Variants in TMEM232 observed in about 807,000 individuals in gnomAD.
The protein encoded by TMEM232 is transmembrane protein 232.
A neutral mutation model predicts 78.8 loss-of-function variants in TMEM232; 80 were observed. The observed-to-expected ratio is 1.01, with a 90% confidence interval of 0.85 to 1.22. The LOEUF is 1.22. Among genes scored for constraint, TMEM232 ranks in the 50% most tolerant of loss-of-function variants. The pLI is 0.00. For missense variants in TMEM232, 881 were observed against 742.2 expected (o/e 1.19, Z -2.17); for synonymous variants, 297 against 254.3 (o/e 1.17, Z -1.60).
At chr5:110,662,995 C>G (rs976442286) in intron 2 of TMEM232, among the ~76,000 whole-genome samples, 19 of 151,980 alleles carry the variant, frequency 1.3e-4, no homozygotes, top group African/African-American at 4.3e-4. Flanking sequence ...TTAATAAGTT[C>G]TAGTCACTAA....
chr5:110,690,888 A>G (rs1794035387), intron 1 of TMEM232, among the ~76,000 whole-genome samples: 1 of 151,332 alleles, frequency 6.6e-6, no homozygotes, highest in African/African-American at 2.4e-5. Flanking sequence ...AAAACCAAAC[A>G]CCACATGTTC....
At chr5:110,587,503 TTC>T (rs2149753656) in intron 10 of TMEM232, among the ~76,000 whole-genome samples, 1 of 151,928 alleles carries the variant, frequency 6.6e-6, no homozygotes, top group East Asian at 1.9e-4. Flanking sequence ...ACCTGACATT[TTC>T]TCTGTTAAAG....
intron 1 of TMEM232, among the ~76,000 whole-genome samples, chr5:110,712,124 A>T (rs190799963): frequency 0.062 from 9,316 of 150,836 alleles, 623 homozygotes; most frequent in East Asian, 0.26. Flanking sequence ...AAAAAAAAAA[A>T]AAAAATCAAA....
chr5:110,636,637 G>C (rs1785878239), intron 5 of TMEM232, among the ~76,000 whole-genome samples: 1 of 152,028 alleles, frequency 6.6e-6, no homozygotes, highest in South Asian at 2.1e-4. Flanking sequence ...ACTGGACTCT[G>C]TAGCCACATT....
chr5:110,475,521 C>T (rs1345971245), intron 12 of TMEM232, among the ~76,000 whole-genome samples: 3 of 132,206 alleles, frequency 2.3e-5, no homozygotes, highest in African/African-American at 8.5e-5. Flanking sequence ...GGATAAAAAT[C>T]TCCAAAAATG....
intron 11 of TMEM232, among the ~76,000 whole-genome samples, chr5:110,553,435 C>CT (rs1180427921): frequency 1.3e-5 from 2 of 151,988 alleles, no homozygotes; most frequent in Admixed American, 6.6e-5. Flanking sequence ...TTGTAGATAT[C>CT]TTTTTTTCCC....
intron 12 of TMEM232, among the ~76,000 whole-genome samples, chr5:110,450,931 A>C (rs758890615): frequency 5.3e-5 from 8 of 152,156 alleles, no homozygotes; most frequent in African/African-American, 1.2e-4. Context: ...AGGACAGTGG[A>C]ACTACTCTAG....
At chr5:110,519,984 T>A (rs1453147839) in intron 12 of TMEM232, among the ~76,000 whole-genome samples, 1 of 148,190 alleles carries the variant, frequency 6.7e-6, no homozygotes, top group Non-Finnish European at 1.5e-5. Context: ...TAGTGAAGAG[T>A]GAAGAGGGAG....
chr5:110,670,724 A>G (rs1422979543), intron 1 of TMEM232, among the ~76,000 whole-genome samples: 1 of 152,116 alleles, frequency 6.6e-6, no homozygotes, highest in African/African-American at 2.4e-5. Context: ...AGCAGAATTA[A>G]TATTTTCAGG....
chr5:110,738,172 G>A (rs894056535), upstream of TMEM232: 139 of 1,259,460 alleles, frequency 1.1e-4, no homozygotes, highest in Non-Finnish European at 1.4e-4. Context: ...AAGGAACATA[G>A]GATGAAACCA....
At chr5:110,487,951 T>C (rs1561558079) in intron 12 of TMEM232, among the ~76,000 whole-genome samples, 1 of 152,118 alleles carries the variant, frequency 6.6e-6, no homozygotes, top group African/African-American at 2.4e-5. Flanking sequence ...CATTCTTCTT[T>C]GAATGTCTGG....
chr5:110,553,880 ATG>A (rs1370997055), intron 11 of TMEM232, among the ~76,000 whole-genome samples: 1 of 152,064 alleles, frequency 6.6e-6, no homozygotes, highest in South Asian at 2.1e-4. Flanking sequence ...ATTTTGAGGT[ATG>A]TGCTTCAATT....
intron 2 of TMEM232, 115 bp downstream of exon 2, chr5:110,667,113 C>T (rs1413794076): frequency 1.2e-6 from 1 of 863,740 alleles, no homozygotes; most frequent in Non-Finnish European, 1.7e-6. Context: ...AAATAGTAAA[C>T]TTTAAAATTT....
At chr5:110,673,666 A>G (rs1410845231) in intron 1 of TMEM232, among the ~76,000 whole-genome samples, 1 of 152,072 alleles carries the variant, frequency 6.6e-6, no homozygotes, top group Non-Finnish European at 1.5e-5. Flanking sequence ...CTGCTTTTTG[A>G]TTTGGCTCAC....
At chr5:110,646,924 A>T (rs1417481014) in intron 2 of TMEM232, among the ~76,000 whole-genome samples, 1 of 151,892 alleles carries the variant, frequency 6.6e-6, no homozygotes, top group Non-Finnish European at 1.5e-5. Flanking sequence ...GCCAACAGGC[A>T]TGTGAAAAGG....
intron 1 of TMEM232, among the ~76,000 whole-genome samples, chr5:110,693,421 C>T (rs1258745980): frequency 6.6e-6 from 1 of 152,198 alleles, no homozygotes; most frequent in Non-Finnish European, 1.5e-5. Context: ...AGGAATGCAG[C>T]TCCTCACCAG....
At chr5:110,690,015 C>A (rs760792171) in intron 1 of TMEM232, among the ~76,000 whole-genome samples, 1 of 152,150 alleles carries the variant, frequency 6.6e-6, no homozygotes, top group Admixed American at 6.5e-5. Flanking sequence ...AAATGTAAAA[C>A]CTAAAACCAT....
At chr5:110,626,399 A>G (rs190930851) in intron 6 of TMEM232, among the ~76,000 whole-genome samples, 24 of 152,204 alleles carry the variant, frequency 1.6e-4, no homozygotes, top group Admixed American at 1.2e-3. Flanking sequence ...CTATTCTATC[A>G]GTCTACGGCC....
intron 12 of TMEM232, among the ~76,000 whole-genome samples, chr5:110,476,050 G>T (rs973698391): frequency 1.8e-4 from 28 of 151,856 alleles, no homozygotes; most frequent in African/African-American, 5.8e-4. Context: ...AACTCTGTAG[G>T]TATTGTTGGG....
Sources: gnomAD v4.1 joint callset for allele counts (sites outside exome capture counted in the v4.1 genomes callset) on GRCh38, gnomAD v4.1.1 for gene constraint, MANE v1.5 for transcripts, NCBI Gene and HGNC (gene_info 2026-07-23, HGNC 2026-07-21) for gene names.